ACSF2: variants seen among roughly 807,000 people sequenced by gnomAD.
ACSF2 encodes the protein acyl-CoA synthetase family member 2.
ACSF2 carries 52 observed loss-of-function variants against 79.3 expected under a neutral mutation model. The observed-to-expected ratio is 0.66, with a 90% confidence interval of 0.53 to 0.83. ACSF2 has a LOEUF of 0.83. Among genes scored for constraint, ACSF2 ranks in the 40% least tolerant of loss-of-function variants. The pLI is 0.00. For synonymous variants in ACSF2, 283 were observed against 312.6 expected, an observed-to-expected ratio of 0.91 and a Z score of 1.00; for missense variants, 661 against 803.3, an observed-to-expected ratio of 0.82 and a Z score of 2.14.
At chr17:50,429,832 C>G (rs543396585) in intron 1 of ACSF2, among the ~76,000 whole-genome samples, 1 of 152,064 alleles carries the variant, frequency 6.6e-6, no homozygotes, top group South Asian at 2.1e-4. Context: ...GTCTTTCTCC[C>G]CAGAAGGAAA....
At chr17:50,436,406 G>A (rs886960974) in intron 1 of ACSF2, among the ~76,000 whole-genome samples, 2 of 151,996 alleles carry the variant, frequency 1.3e-5, no homozygotes, top group Non-Finnish European at 2.9e-5. Context: ...TGGGATTACA[G>A]GCGTGAGCCA....
At chr17:50,452,574 T>TA (rs1369338236) in intron 1 of ACSF2, among the ~76,000 whole-genome samples, 2 of 151,992 alleles carry the variant, frequency 1.3e-5, no homozygotes, top group African/African-American at 4.8e-5. Context: ...ATGCAGGGCT[T>TA]AATACCTAGG....
chr17:50,463,088 C>T lies in ACSF2; in HGVS notation c.793-68C>T. 1 of 1,347,480 alleles carries T rather than the reference C, an allele frequency of 7.4e-7. No individual in the cohort carries two copies. Among genetic ancestry groups the T allele is most frequent in the Non-Finnish European group, 1.1e-6 (1 of 946,738 alleles). The allele number at this position is 1,347,480 out of a possible 1,614,324, so 83.5% of individuals were successfully genotyped here. A position where few individuals can be genotyped will look rare whatever the true frequency, so the allele number is the denominator to read the frequency against. On this transcript the variant is annotated intron_variant, in intron 6 of 15. Transcript: ENST00000300441. This position sits in a 1 kb window ranked among gnomAD's most constrained non-coding sequence, Gnocchi z 4.6. ...TCCTGATTCCCGGTCCCGTGCTCTT[C>T]AAGGCAGTGGCCCAGGGTGGGAAGG...
chr17:50,444,409 G>C (rs749180212), intron 1 of ACSF2, among the ~76,000 whole-genome samples: 7 of 152,116 alleles, frequency 4.6e-5, no homozygotes, highest in Non-Finnish European at 7.4e-5. Flanking sequence ...AAAAAAATTA[G>C]TTGGGCACGG....
chr17:50,441,812 G>A (rs2030937660), intron 1 of ACSF2, among the ~76,000 whole-genome samples: 1 of 151,918 alleles, frequency 6.6e-6, no homozygotes. Context: ...ATTAAATGTT[G>A]TGTCTTTATT....
At chr17:50,464,508 A>G (rs775319800) in intron 10 of ACSF2, 2 of 684,452 alleles carry the variant, frequency 2.9e-6, no homozygotes, top group African/African-American at 1.8e-5. Flanking sequence ...TAATACATAC[A>G]TACATTTATA....
At chr17:50,469,585 G>C (rs555318593) in intron 10 of ACSF2, among the ~76,000 whole-genome samples, 1 of 152,362 alleles carries the variant, frequency 6.6e-6, no homozygotes, top group Non-Finnish European at 1.5e-5. Context: ...AGAGAAGTGG[G>C]AAGTGGGGGA....
At chr17:50,450,977 G>A (rs183128351) in intron 1 of ACSF2, among the ~76,000 whole-genome samples, 3 of 152,236 alleles carry the variant, frequency 2.0e-5, no homozygotes, top group Non-Finnish European at 4.4e-5. Context: ...TGTCACCCAG[G>A]CCTGTTGTGT....
chr17:50,459,058 G>A (rs911082299), intron 1 of ACSF2, among the ~76,000 whole-genome samples: 8 of 152,236 alleles, frequency 5.3e-5, no homozygotes, highest in African/African-American at 1.4e-4. Context: ...AAGCATGGTC[G>A]ATAAATGCCA....
rs913216030 is a variant in ACSF2 at position 50,474,347 on chromosome 17, A to G, written c.1797+80A>G. On this transcript the variant is annotated intron_variant, in intron 15 of 15. Transcript: ENST00000300441. This position sits in a 1 kb window ranked among gnomAD's most constrained non-coding sequence, Gnocchi z 4.2. ...GGCCCCACCTCTGTTTCCTTCAGCA[A>G]TGGGTGTGGAGAGACTGGCAGTAGG... 5.2e-5 allele frequency: 80 copies of G among 1,550,354 alleles called. No individual in the cohort carries two copies. The South Asian group carries it at 5.8e-4, about 11-fold the overall frequency.
chr17:50,449,094 G>A (rs1204461875), intron 1 of ACSF2, among the ~76,000 whole-genome samples: 1 of 140,572 alleles, frequency 7.1e-6, no homozygotes, highest in Non-Finnish European at 1.5e-5. Flanking sequence ...TGGGCCTGCT[G>A]CAACTTCTGC....
intron 1 of ACSF2, among the ~76,000 whole-genome samples, chr17:50,458,276 C>T (rs966287272): frequency 6.6e-6 from 1 of 152,164 alleles, no homozygotes; most frequent in Non-Finnish European, 1.5e-5. Context: ...GGGCTCTCCT[C>T]ATTCTTCCAG....
At chr17:50,455,515 T>C (rs2031938624) in intron 1 of ACSF2, among the ~76,000 whole-genome samples, 2 of 152,180 alleles carry the variant, frequency 1.3e-5, no homozygotes, top group Admixed American at 1.3e-4. Flanking sequence ...CCTGGACCTC[T>C]GAGAAGGTAC....
In ACSF2 at chr17:50,471,063, A is replaced by G. The variant is rs1455982121; in HGVS notation, c.1251A>G (p.Thr417=). ...AYGTTENSPV[T]FAHFPEDTVE... is the part of the protein sequence containing the mutation. ...GAACCACAGAGAACAGTCCCGTGAC[A>G]TTCGCGCACTTCCCTGAGGACACTG... Residue 417 remains threonine (T), a synonymous_variant, in exon 11 of 16, where the codon ACA becomes ACG. Coordinates refer to ENST00000300441, the MANE Select transcript of ACSF2 (RefSeq NM_025149.6). This position sits in a 1 kb window ranked among gnomAD's most constrained non-coding sequence, Gnocchi z 4.1. The G allele has an allele frequency of 1.2e-6, 2 of 1,614,046 alleles. No individual in the cohort carries two copies. The highest frequency in any genetic ancestry group is 1.7e-6 in the Non-Finnish European group (2 of 1,179,998).
chr17:50,468,034 G>C, intron 10 of ACSF2: 1 of 1,575,370 alleles, frequency 6.3e-7, no homozygotes, highest in Admixed American at 1.7e-5. Context: ...ACAGCCAGGA[G>C]CTCACCTTCT....
chr17:50,429,947 AG>A lies in ACSF2; in HGVS notation c.128+3559del, dbSNP rs545963290. ...GGTGGATGGCTTAGTCTGGGGCTTC[AG>A]TGAACCTCCAAGGAAGGAATTCAAG... On this transcript the variant is annotated intron_variant, in intron 1 of 15. Coordinates refer to ENST00000300441, the MANE Select transcript of ACSF2 (RefSeq NM_025149.6). Among the ~76,000 whole-genome samples, 26 of 152,356 alleles carry A rather than the reference AG, an allele frequency of 1.7e-4. No homozygotes were observed. The East Asian group carries it at 4.8e-3, about 28-fold the overall frequency.
At chr17:50,468,713 T>G in intron 10 of ACSF2, 2 of 1,612,540 alleles carry the variant, frequency 1.2e-6, no homozygotes, top group East Asian at 4.5e-5. Flanking sequence ...GATGACGTGC[T>G]GCAGGTCGCT....
At position 50,473,648 on chromosome 17, in the gene ACSF2, CT is replaced by C. The variant is rs1489146239; in HGVS notation, c.1476-16del. ...ACAAGGCAGAGATGACAGGTTGCCC[CT>C]GGGCTTTCCTTACAGAGATGTCGCC... On this transcript the variant is annotated splice_polypyrimidine_tract_variant and intron_variant, in intron 12 of 15. Transcript: ENST00000300441. 4.3e-6 allele frequency: 7 copies of C among 1,614,146 alleles called. No homozygotes were observed. The highest frequency in any genetic ancestry group is 5.9e-6 in the Non-Finnish European group (7 of 1,180,010).
Position 50,463,152 on chromosome 17 carries a change from T to G in ACSF2, c.793-4T>G, listed in dbSNP as rs967044371. The G allele has an allele frequency of 6.2e-7, 1 of 1,613,506 alleles. No homozygotes were observed. Among genetic ancestry groups the G allele is most frequent in the Non-Finnish European group, 8.5e-7 (1 of 1,179,630 alleles). On this transcript the variant is annotated splice_polypyrimidine_tract_variant and splice_region_variant and intron_variant, in intron 6 of 15. Coordinates refer to ENST00000300441, the MANE Select transcript of ACSF2 (RefSeq NM_025149.6). The surrounding 1 kb of genome is among the most constrained non-coding windows in gnomAD (Gnocchi z 4.6). ...GCCAAGCCATGCCCTGTTTGCCTTG[T>G]CAGGGGACAACAGGCAGCCCCAAGG...
Sources: allele counts gnomAD v4.1 joint callset (sites outside exome capture counted in the v4.1 genomes callset), GRCh38; gene constraint gnomAD v4.1.1; non-coding constraint Gnocchi (gnomAD v3.1); transcripts MANE v1.5; gene names NCBI Gene and HGNC (gene_info 2026-07-23, HGNC 2026-07-21).